The following ERI3 variants were observed in gnomAD, a reference collection of about 807,000 sequenced individuals.
ERI3 encodes ERI1 exoribonuclease 3.
Under a neutral mutation model 44.4 loss-of-function variants are expected in ERI3, and 18 were observed. That is an observed-to-expected ratio of 0.41 (90% CI 0.28 to 0.60). The LOEUF (loss-of-function observed/expected upper bound fraction) is 0.60. Ranked by LOEUF, ERI3 falls within the 20% of genes least tolerant of loss-of-function variation. The pLI is 0.36. For synonymous variants in ERI3, 183 were observed against 164.8 expected, an observed-to-expected ratio of 1.11 and a Z score of -0.84; for missense variants, 294 against 435.5, an observed-to-expected ratio of 0.68 and a Z score of 2.89.
chr1:44,245,821 T>G (rs548683630), intron 8 of ERI3, among the ~76,000 whole-genome samples: 1 of 152,294 alleles, frequency 6.6e-6, no homozygotes, highest in East Asian at 1.9e-4. Context: ...AAAGTATATG[T>G]GGGGTGCATT....
intron 8 of ERI3, 95 bp downstream of exon 8, chr1:44,247,844 A>C: frequency 1.1e-6 from 1 of 928,602 alleles, no homozygotes; most frequent in Non-Finnish European, 1.6e-6. Flanking sequence ...GGGGCACTGA[A>C]TGAGCCATGG....
At chr1:44,246,897 C>A (rs920814189) in intron 8 of ERI3, among the ~76,000 whole-genome samples, 3 of 152,124 alleles carry the variant, frequency 2.0e-5, no homozygotes, top group Non-Finnish European at 4.4e-5. Context: ...CCAGTCCCCC[C>A]CCACAATGAT....
intron 6 of ERI3, among the ~76,000 whole-genome samples, chr1:44,294,285 C>T (rs897589804): frequency 6.6e-6 from 1 of 152,152 alleles, no homozygotes; most frequent in Non-Finnish European, 1.5e-5. Context: ...TGCTCAAATC[C>T]CTAGTGCCAA....
chr1:44,310,961 G>GCACA (rs1393608614), intron 5 of ERI3, among the ~76,000 whole-genome samples: 1 of 84,668 alleles, frequency 1.2e-5, no homozygotes, highest in Non-Finnish European at 2.4e-5. Context: ...TCGCGCGCGC[G>GCACA]CGCACACACA....
intron 6 of ERI3, among the ~76,000 whole-genome samples, chr1:44,304,538 G>A (rs925777101): frequency 6.6e-6 from 1 of 152,140 alleles, no homozygotes; most frequent in African/African-American, 2.4e-5. Context: ...CCGACCCGCA[G>A]CAAGCACGTC....
At chr1:44,303,151 G>T (rs1416672316) in intron 6 of ERI3, among the ~76,000 whole-genome samples, 1 of 152,166 alleles carries the variant, frequency 6.6e-6, no homozygotes, top group African/African-American at 2.4e-5. Context: ...CTGCTCCTGG[G>T]ACCAAGCTCC....
chr1:44,310,963 G>GCGCGCGCGCGCGCACA (rs1373873768), intron 5 of ERI3, among the ~76,000 whole-genome samples: 20 of 123,198 alleles, frequency 1.6e-4, no homozygotes, highest in Non-Finnish European at 2.5e-4. Flanking sequence ...GCGCGCGCGC[G>GCGCGCGCGCGCGCACA]CACACACACA....
At chr1:44,242,205 T>C in intron 8 of ERI3, 1 of 941,986 alleles carries the variant, frequency 1.1e-6, no homozygotes, top group Middle Eastern at 5.4e-4. Context: ...TACTGTGCTC[T>C]GCCCTTCCCC....
In ERI3 at chr1:44,271,002, C is replaced by T. The variant is rs544154737; in HGVS notation, c.831+13833G>A. ...TAAGGATATAGAGGTCTTCTGCCAACGGTCTCAGACTGTCCATAGCTAGTA... is the reference window on the plus strand; with the variant it reads ...TAAGGATATAGAGGTCTTCTGCCAATGGTCTCAGACTGTCCATAGCTAGTA... On this transcript the variant is annotated intron_variant, in intron 7 of 8. Transcript: ENST00000372257. 2.6e-4 allele frequency among the ~76,000 whole-genome samples: 39 copies of T among 152,318 alleles called. No homozygotes were observed. The South Asian group carries it at 5.8e-3, about 23-fold the overall frequency.
chr1:44,345,942 A>T (rs1646774361), intron 2 of ERI3, among the ~76,000 whole-genome samples: 1 of 152,230 alleles, frequency 6.6e-6, no homozygotes, highest in South Asian at 2.1e-4. Context: ...CACAAGGAAA[A>T]GGCCTCACTA....
At chr1:44,294,165 G>A (rs560526930) in intron 6 of ERI3, among the ~76,000 whole-genome samples, 2 of 152,282 alleles carry the variant, frequency 1.3e-5, no homozygotes, top group East Asian at 1.9e-4. Context: ...TGGGTCTGGC[G>A]GCACAGCTGG....
At chr1:44,240,391 A>G (rs1316708339) in intron 8 of ERI3, among the ~76,000 whole-genome samples, 2 of 152,190 alleles carry the variant, frequency 1.3e-5, no homozygotes, top group Non-Finnish European at 2.9e-5. Flanking sequence ...TTCTCTGCCT[A>G]CGGTACAAGG....
At position 44,252,502 on chromosome 1, in the gene ERI3, G is replaced by A. The variant is rs1644702078; in HGVS notation, c.832-4464C>T. 1.3e-5 allele frequency among the ~76,000 whole-genome samples: 2 copies of A among 152,202 alleles called. No homozygotes were observed. Among genetic ancestry groups the A allele is most frequent in the African/African-American group, 4.8e-5 (2 of 41,446 alleles). The stretch of plus-strand genomic sequence containing the variant: ...GCGCCTTTAATATTCTGACACCTCA[G>A]CGCAGCCTGCTATTACATGCAAACA... On this transcript the variant is annotated intron_variant, in intron 7 of 8. Transcript: ENST00000372257. This position sits in a 1 kb window ranked among gnomAD's most constrained non-coding sequence, Gnocchi z 4.7.
At chr1:44,251,158 TCTGCCAACA>T (rs1023961721) in intron 7 of ERI3, among the ~76,000 whole-genome samples, 4 of 152,344 alleles carry the variant, frequency 2.6e-5, no homozygotes, top group Admixed American at 6.5e-5. Flanking sequence ...CAACATATGG[TCTGCCAACA>T]TATGGTCTGG....
intron 5 of ERI3, 93 bp downstream of exon 5, chr1:44,313,076 A>T: frequency 1.9e-6 from 2 of 1,065,112 alleles, no homozygotes; most frequent in Non-Finnish European, 2.9e-6. Context: ...CCATAATCAT[A>T]GTCAAATTAC....
intron 2 of ERI3, among the ~76,000 whole-genome samples, 155 bp downstream of exon 2, chr1:44,352,695 T>C (rs560764582): frequency 6.6e-6 from 1 of 152,170 alleles, no homozygotes; most frequent in Non-Finnish European, 1.5e-5. Context: ...TATGTTACTT[T>C]ATCAGAAGAA....
chr1:44,281,082 A>G (rs1182830811), intron 7 of ERI3, among the ~76,000 whole-genome samples: 2 of 152,138 alleles, frequency 1.3e-5, no homozygotes, highest in Middle Eastern at 3.2e-3. Flanking sequence ...GTGCTTAGCC[A>G]ATTTCAACTC....
At chr1:44,274,566 A>G (rs1645145341) in intron 7 of ERI3, among the ~76,000 whole-genome samples, 1 of 152,164 alleles carries the variant, frequency 6.6e-6, no homozygotes, top group Admixed American at 6.5e-5. Flanking sequence ...CATTCCCTCT[A>G]GCTCCAGCAG....
chr1:44,224,468 C>T (rs531535401), intron 8 of ERI3, among the ~76,000 whole-genome samples: 1 of 152,352 alleles, frequency 6.6e-6, no homozygotes, highest in East Asian at 1.9e-4. Context: ...ATTTCACCCA[C>T]TGGCTGCATA....
Sources: gnomAD v4.1 joint callset for allele counts (sites outside exome capture counted in the v4.1 genomes callset) on GRCh38, gnomAD v4.1.1 for gene constraint, Gnocchi (gnomAD v3.1) non-coding constraint, MANE v1.5 for transcripts, NCBI Gene and HGNC (gene_info 2026-07-23, HGNC 2026-07-21) for gene names.